The following RYR2 variants were observed in gnomAD, a reference collection of about 807,000 sequenced individuals.
The protein encoded by RYR2 is ryanodine receptor 2.
In RYR2, 227 loss-of-function variants were observed where a neutral mutation model predicts 601.1. That is an observed-to-expected ratio of 0.38 (90% CI 0.34 to 0.42). The LOEUF (loss-of-function observed/expected upper bound fraction) is 0.42, where lower values mean the gene tolerates loss of function less well. Ranked by LOEUF, RYR2 falls within the 10% of genes least tolerant of loss-of-function variation. RYR2 has a pLI of 1.00. For missense variants in RYR2, 4,646 were observed against 6,156.5 expected (o/e 0.75, Z 8.21); for synonymous variants, 2,223 against 2,175.1 (o/e 1.02, Z -0.61).
chr1:237,483,185 G>A (rs1662304780), intron 17 of RYR2, among the ~76,000 whole-genome samples: 1 of 152,044 alleles, frequency 6.6e-6, no homozygotes, highest in Non-Finnish European at 1.5e-5. Flanking sequence ...ATTCTCCTCT[G>A]ATCAGTGTTG....
At chr1:237,765,917 G>A (rs1447399600) in intron 84 of RYR2, among the ~76,000 whole-genome samples, 1 of 152,104 alleles carries the variant, frequency 6.6e-6, no homozygotes, top group Non-Finnish European at 1.5e-5. Flanking sequence ...AATAAATTCA[G>A]AACAATGCTT....
intron 11 of RYR2, among the ~76,000 whole-genome samples, chr1:237,421,214 G>A (rs537060931): frequency 1.2e-3 from 183 of 152,286 alleles, no homozygotes; most frequent in African/African-American, 3.8e-3. Context: ...ACTCCAGCCT[G>A]GGTGACAGAG....
intron 35 of RYR2, 57 bp downstream of exon 35, chr1:237,602,168 T>G: frequency 7.6e-7 from 1 of 1,324,414 alleles, no homozygotes; most frequent in Non-Finnish European, 1.1e-6. Context: ...GATATAGCAT[T>G]GATTTATTCT....
chr1:237,652,664 A>G (rs1055674374), intron 51 of RYR2, among the ~76,000 whole-genome samples: 6 of 152,124 alleles, frequency 3.9e-5, no homozygotes, highest in Admixed American at 6.5e-5. Context: ...TAAAAATTCT[A>G]TTTTTATGTT....
chr1:237,744,947 C>T (rs1405733479), intron 80 of RYR2, among the ~76,000 whole-genome samples: 2 of 151,680 alleles, frequency 1.3e-5, no homozygotes, highest in Non-Finnish European at 2.9e-5. Context: ...CAGTGGCGCG[C>T]CACCACGCCC....
chr1:237,176,556 TTTTA>T (rs915019446), intron 1 of RYR2, among the ~76,000 whole-genome samples: 3 of 151,546 alleles, frequency 2.0e-5, no homozygotes, highest in African/African-American at 7.3e-5. Flanking sequence ...GACTTGAAAG[TTTTA>T]TTTATTTATT....
At chr1:237,345,532 A>T (rs1203004947) in intron 3 of RYR2, among the ~76,000 whole-genome samples, 3 of 151,878 alleles carry the variant, frequency 2.0e-5, no homozygotes, top group African/African-American at 7.2e-5. Context: ...ATTTGAACAA[A>T]TTCAGAAAAC....
intron 1 of RYR2, among the ~76,000 whole-genome samples, chr1:237,146,548 T>C (rs535347677): frequency 2.0e-5 from 3 of 152,338 alleles, no homozygotes; most frequent in East Asian, 1.9e-4. Flanking sequence ...CTCCTTCTTA[T>C]AGCACTTTGT....
intron 3 of RYR2, among the ~76,000 whole-genome samples, chr1:237,347,378 G>A (rs778949833): frequency 2.3e-4 from 35 of 152,162 alleles, no homozygotes; most frequent in South Asian, 4.2e-4. Flanking sequence ...ATAATAATAG[G>A]TTCTCAATAT....
At chr1:237,421,979 T>C (rs1705640477) in intron 11 of RYR2, among the ~76,000 whole-genome samples, 1 of 152,212 alleles carries the variant, frequency 6.6e-6, no homozygotes, top group Admixed American at 6.5e-5. Flanking sequence ...TTGAATCTTT[T>C]CTACTCATTC....
chr1:237,666,232 C>A (rs936711749), intron 56 of RYR2, among the ~76,000 whole-genome samples: 1 of 152,104 alleles, frequency 6.6e-6, no homozygotes. Context: ...TGTAATGATC[C>A]TCTGCATAAG....
At chr1:237,444,302 T>C (rs1708147158) in intron 13 of RYR2, among the ~76,000 whole-genome samples, 1 of 152,204 alleles carries the variant, frequency 6.6e-6, no homozygotes, top group Non-Finnish European at 1.5e-5. Flanking sequence ...TTTTAGGACA[T>C]GAAAACCGCA....
intron 1 of RYR2, among the ~76,000 whole-genome samples, chr1:237,228,585 A>C (rs1684647657): frequency 1.3e-5 from 2 of 152,160 alleles, no homozygotes; most frequent in African/African-American, 4.8e-5. Context: ...ACAACACTAA[A>C]GATTTGCTGT....
intron 60 of RYR2, among the ~76,000 whole-genome samples, chr1:237,675,947 G>T (rs779737115): frequency 2.0e-5 from 3 of 152,052 alleles, no homozygotes; most frequent in Non-Finnish European, 2.9e-5. Flanking sequence ...TTTATAATCT[G>T]TAATCTCTCT....
chr1:237,130,188 A>C (rs562636082), intron 1 of RYR2, among the ~76,000 whole-genome samples: 1 of 151,762 alleles, frequency 6.6e-6, no homozygotes, highest in Admixed American at 6.5e-5. Flanking sequence ...ATGTCAAAAC[A>C]TCACGTTGTA....
rs796477537 is a variant in RYR2, at chr1:237,173,173, C to CTT, written c.49-97312_49-97311dup. ...GATGCTGTAGATACGACAAACTACT[C>CTT]TTTTTTTTTTTTTATCAGCTTATTG... On this transcript the variant is annotated intron_variant, in intron 1 of 104. Transcript: ENST00000366574. 3.7e-3 allele frequency among the ~76,000 whole-genome samples: 556 copies of CTT among 148,406 alleles called. 3 individuals are homozygous for CTT. The highest frequency in any genetic ancestry group is 0.013 in the African/African-American group (530 of 40,100).
At chr1:237,737,347 A>C (rs917913143) in intron 79 of RYR2, among the ~76,000 whole-genome samples, 1 of 152,198 alleles carries the variant, frequency 6.6e-6, no homozygotes, top group Non-Finnish European at 1.5e-5. Flanking sequence ...GCAGTTTGTT[A>C]CACTCGGCAC....
chr1:237,448,184 C>T (rs1307902857), intron 14 of RYR2, among the ~76,000 whole-genome samples: 1 of 152,136 alleles, frequency 6.6e-6, no homozygotes, highest in Non-Finnish European at 1.5e-5. Context: ...ACCTCGGCCT[C>T]ACAGAGTGCT....
chr1:237,664,745 A>G lies in RYR2; in HGVS notation c.8437-1767A>G, dbSNP rs180810232. Among the ~76,000 whole-genome samples, 394 of 152,292 alleles carry G rather than the reference A, an allele frequency of 2.6e-3. 2 individuals carry two copies. The highest frequency in any genetic ancestry group is 9.0e-3 in the African/African-American group (374 of 41,574). On this transcript the variant is annotated intron_variant, in intron 56 of 104. Coordinates refer to ENST00000366574, the MANE Select transcript of RYR2 (RefSeq NM_001035.3). ...AATGGATGAAGGGGAGTAACCCGAG[A>G]TGGTTGCCATGGATTCTAGCTTGTG...
Sources: gnomAD v4.1 joint callset for allele counts (sites outside exome capture counted in the v4.1 genomes callset) on GRCh38, gnomAD v4.1.1 for gene constraint, MANE v1.5 for transcripts, NCBI Gene and HGNC (gene_info 2026-07-23, HGNC 2026-07-21) for gene names.